Variants in SRD5A2 observed in about 807,000 individuals in gnomAD.
The protein encoded by SRD5A2 is 3-oxo-5-alpha-steroid 4-dehydrogenase 2.
SRD5A2 carries 30 observed loss-of-function variants against 27.4 expected under a neutral mutation model. The ratio of observed to expected loss-of-function variants is 1.10; its 90% CI spans 0.82 to 1.49. The LOEUF (loss-of-function observed/expected upper bound fraction) is 1.49. SRD5A2 is among the 40% of genes most tolerant of loss of function. The pLI, the probability that SRD5A2 is intolerant of heterozygous loss-of-function variation, is 0.00. For missense variants in SRD5A2, 348 were observed against 323.4 expected, an observed-to-expected ratio of 1.08 and a Z score of -0.58; for synonymous variants, 141 against 133.6, an observed-to-expected ratio of 1.06 and a Z score of -0.38.
the SRD5A2 span, among the ~76,000 whole-genome samples, chr2:31,629,668 G>A: frequency 2.6e-5 from 4 of 152,118 alleles, no homozygotes; most frequent in Non-Finnish European, 1.5e-5. Flanking sequence ...GCAGAAAGGT[G>A]TCATCCCAAA....
chr2:31,636,546 G>A, the SRD5A2 span, among the ~76,000 whole-genome samples: 145 of 152,222 alleles, frequency 9.5e-4, no homozygotes, highest in African/African-American at 3.2e-3. Context: ...GGACATCCTT[G>A]TCTTGTTCCA....
chr2:31,625,061 G>A, the SRD5A2 span, among the ~76,000 whole-genome samples: 1 of 152,158 alleles, frequency 6.6e-6, no homozygotes, highest in South Asian at 2.1e-4. Context: ...TCTAACTGGT[G>A]TGAGATGGTA....
the SRD5A2 span, among the ~76,000 whole-genome samples, chr2:31,622,345 T>C: frequency 1.3e-5 from 2 of 152,132 alleles, no homozygotes; most frequent in East Asian, 3.9e-4. Context: ...GTATATATGT[T>C]CCACATTTTC....
chr2:31,626,217 G>A, the SRD5A2 span, among the ~76,000 whole-genome samples: 2 of 152,148 alleles, frequency 1.3e-5, no homozygotes, highest in Non-Finnish European at 2.9e-5. Flanking sequence ...TGTATCCTGA[G>A]ACTTTGTTGA....
chr2:31,573,623 A>G (rs1186039894), intron 1 of SRD5A2, among the ~76,000 whole-genome samples: 1 of 152,176 alleles, frequency 6.6e-6, no homozygotes, highest in African/African-American at 2.4e-5. Context: ...AGGGCCCTTC[A>G]TTAGAGCATC....
chr2:31,562,732 C>A (rs1666649107), intron 1 of SRD5A2, among the ~76,000 whole-genome samples: 1 of 152,128 alleles, frequency 6.6e-6, no homozygotes. Flanking sequence ...ACTATGTTCA[C>A]CACTTGCGTG....
rs1351707102 is a variant in SRD5A2 at position 31,545,633 on chromosome 2, CT to C, written c.282-11868del. Among the ~76,000 whole-genome samples the C allele has an allele frequency of 3.9e-5, 6 of 152,256 alleles. No individual in the cohort carries two copies. In the East Asian group the frequency reaches 7.7e-4, roughly 20 times the overall value. ...GCAAACGTACTCAAAGATGAAAGCT[CT>C]TCTTTTAAAATCAGGAACAAGGCAA... On this transcript the variant is annotated intron_variant, in intron 1 of 4. Coordinates refer to ENST00000622030, the MANE Select transcript of SRD5A2 (RefSeq NM_000348.4).
chr2:31,659,245 G>A, the SRD5A2 span, among the ~76,000 whole-genome samples: 1 of 152,064 alleles, frequency 6.6e-6, no homozygotes, highest in East Asian at 1.9e-4. Context: ...GGTAAAAACT[G>A]TAAGCATTCC....
intron 4 of SRD5A2, 25 bp from the exon 5 acceptor site, chr2:31,526,287 GTAAA>G (rs1384915919): frequency 6.8e-7 from 1 of 1,479,418 alleles, no homozygotes; most frequent in Non-Finnish European, 9.3e-7. Flanking sequence ...AGGAATAATT[GTAAA>G]TATAATGGAG....
At chr2:31,660,062 C>A in the SRD5A2 span, among the ~76,000 whole-genome samples, 1 of 151,686 alleles carries the variant, frequency 6.6e-6, no homozygotes, top group Admixed American at 6.6e-5. Flanking sequence ...CTATAGATTT[C>A]ATCTATAGAA....
chr2:31,623,666 T>C, the SRD5A2 span, among the ~76,000 whole-genome samples: 1 of 152,244 alleles, frequency 6.6e-6, no homozygotes, highest in East Asian at 1.9e-4. Flanking sequence ...AGTGAGGGCC[T>C]CCTTGTCTTG....
At chr2:31,560,397 C>T (rs769164468) in intron 1 of SRD5A2, among the ~76,000 whole-genome samples, 80 of 152,318 alleles carry the variant, frequency 5.3e-4, no homozygotes, top group Non-Finnish European at 6.2e-4. Flanking sequence ...GATTTTCCCT[C>T]TATATCTCAC....
At chr2:31,610,639 C>G in the SRD5A2 span, among the ~76,000 whole-genome samples, 3 of 151,906 alleles carry the variant, frequency 2.0e-5, no homozygotes, top group Non-Finnish European at 4.4e-5. Flanking sequence ...CTAGCCAAAA[C>G]AATTAGACAA....
rs759163315 is a variant in SRD5A2 at position 31,565,296 on chromosome 2, C to A, written c.281+15324G>T. 9.6e-4 allele frequency among the ~76,000 whole-genome samples: 145 copies of A among 151,712 alleles called. 1 individual carries two copies. The highest frequency in any genetic ancestry group is 1.8e-3 in the Non-Finnish European group (124 of 67,708). On this transcript the variant is annotated intron_variant, in intron 1 of 4. Transcript: ENST00000622030. ...GAAATAGGAACAAATAACAGAGACA[C>A]AAATGGAAACAAATAGCAAGATGAT...
the SRD5A2 span, among the ~76,000 whole-genome samples, chr2:31,656,266 G>A: frequency 2.6e-5 from 4 of 152,244 alleles, no homozygotes; most frequent in African/African-American, 9.6e-5. Flanking sequence ...ATTCATTAAT[G>A]CTTTCCTTCT....
chr2:31,607,674 C>T, the SRD5A2 span, among the ~76,000 whole-genome samples: 11 of 152,118 alleles, frequency 7.2e-5, no homozygotes, highest in South Asian at 2.3e-3. Context: ...GAAAGTGTGT[C>T]CTCAGCAAAA....
At chr2:31,608,955 A>G in the SRD5A2 span, among the ~76,000 whole-genome samples, 208 of 152,192 alleles carry the variant, frequency 1.4e-3, 2 homozygotes, top group South Asian at 0.041. Flanking sequence ...AAGTAAGATC[A>G]TAAGAGTAGA....
intron 1 of SRD5A2, among the ~76,000 whole-genome samples, chr2:31,567,855 C>T (rs904483798): frequency 2.0e-5 from 3 of 152,110 alleles, no homozygotes; most frequent in Non-Finnish European, 4.4e-5. Context: ...AATCTGTCCA[C>T]TCAGCCTGGC....
the SRD5A2 span, among the ~76,000 whole-genome samples, chr2:31,598,169 A>C: frequency 2.0e-5 from 3 of 152,114 alleles, no homozygotes; most frequent in Admixed American, 2.0e-4. Flanking sequence ...GTAGTTGGAT[A>C]CCATTATTTA....
Sources: allele counts gnomAD v4.1 joint callset (sites outside exome capture counted in the v4.1 genomes callset), GRCh38; gene constraint gnomAD v4.1.1; transcripts MANE v1.5; gene names NCBI Gene and HGNC (gene_info 2026-07-23, HGNC 2026-07-21).